FAM151B: variants seen among roughly 807,000 people sequenced by gnomAD.
FAM151B encodes the protein protein FAM151B.
Under a neutral mutation model 31.2 loss-of-function variants are expected in FAM151B, and 24 were observed. That is an observed-to-expected ratio of 0.77 (90% CI 0.56 to 1.08). The LOEUF (loss-of-function observed/expected upper bound fraction) is 1.08. Ranked by LOEUF, FAM151B falls within the 50% of genes least tolerant of loss-of-function variation. FAM151B has a pLI of 0.00. For synonymous variants in FAM151B, 105 were observed against 111.4 expected, an observed-to-expected ratio of 0.94 and a Z score of 0.36; for missense variants, 293 against 328.6, an observed-to-expected ratio of 0.89 and a Z score of 0.84.
chr5:80,493,805 A>T (rs1266303787), intron 1 of FAM151B, among the ~76,000 whole-genome samples: 1 of 152,188 alleles, frequency 6.6e-6, no homozygotes, highest in Admixed American at 6.6e-5. Context: ...GCACAGCGGG[A>T]CATAGACCCT....
intron 1 of FAM151B, among the ~76,000 whole-genome samples, chr5:80,489,736 A>C (rs1356815443): frequency 6.6e-6 from 1 of 152,192 alleles, no homozygotes; most frequent in Non-Finnish European, 1.5e-5. Flanking sequence ...CATCCTGGCT[A>C]ACACAGTGAA....
intron 5 of FAM151B, among the ~76,000 whole-genome samples, chr5:80,530,790 C>T (rs1408950027): frequency 8.5e-5 from 13 of 152,068 alleles, no homozygotes; most frequent in Admixed American, 2.0e-4. Context: ...AGAATCAATA[C>T]CGTGAAAATG....
chr5:80,496,120 C>T (rs1743528538), intron 1 of FAM151B, among the ~76,000 whole-genome samples: 1 of 152,152 alleles, frequency 6.6e-6, no homozygotes, highest in Non-Finnish European at 1.5e-5. Flanking sequence ...TGAAAGTTCT[C>T]CTGTGGGTAA....
chr5:80,493,938 CTGGTT>C (rs1215976072), intron 1 of FAM151B, among the ~76,000 whole-genome samples: 1 of 152,156 alleles, frequency 6.6e-6, no homozygotes, highest in Non-Finnish European at 1.5e-5. Flanking sequence ...TAAAAACTTG[CTGGTT>C]TTGTGGCTCG....
In FAM151B at chr5:80,541,775, C is replaced by A. The variant is rs2112689455; in HGVS notation, c.774C>A (p.Ile258=). The A allele has an allele frequency of 1.9e-6, 3 of 1,613,594 alleles. No homozygotes were observed. Among genetic ancestry groups the A allele is most frequent in the Middle Eastern group, 3.3e-4 (2 of 6,056 alleles). The stretch of plus-strand genomic sequence containing the variant: ...ACAAAAAACAAGTTTTCTATGACAT[C>A]TTGGAACCACAAAACCATGAATTTA... ...HFDKKQVFYD[I]LEPQNHEFKQ... Residue 258 remains isoleucine (I), a synonymous_variant, in exon 6 of 6, where the codon ATC becomes ATA. Coordinates refer to ENST00000282226, the MANE Select transcript of FAM151B (RefSeq NM_205548.3).
chr5:80,522,164 A>G (rs775141576), intron 5 of FAM151B, 26 bp downstream of exon 5: 1 of 1,597,918 alleles, frequency 6.3e-7, no homozygotes, highest in Non-Finnish European at 8.6e-7. Context: ...ACAAATGTGT[A>G]TGTGAGTGTG....
intron 4 of FAM151B, among the ~76,000 whole-genome samples, chr5:80,520,508 G>C (rs1402825775): frequency 1.3e-5 from 2 of 151,660 alleles, no homozygotes; most frequent in Non-Finnish European, 2.9e-5. Context: ...AGCCAGGCAT[G>C]GTAGTGTGTG....
Position 80,518,138 on chromosome 5 carries a change from A to T in FAM151B, c.318-1555A>T, listed in dbSNP as rs6453519. 6.2e-3 allele frequency among the ~76,000 whole-genome samples: 939 copies of T among 151,676 alleles called. 8 individuals carry two copies. The highest frequency in any genetic ancestry group is 0.022 in the African/African-American group (910 of 41,318). Reference sequence around the variant, plus strand: ...ATGAAGAATCAATCTTAAACCACTCACTCTATGTCAACTTACTAAATTGAG... The same window carrying T: ...ATGAAGAATCAATCTTAAACCACTCTCTCTATGTCAACTTACTAAATTGAG... On this transcript the variant is annotated intron_variant, in intron 3 of 5. Transcript: ENST00000282226.
Position 80,536,273 on chromosome 5 carries a change from C to T in FAM151B, c.672-5400C>T, listed in dbSNP as rs188642888. ...GCAACCTCCGCCTCCCAGGTTCAAG[C>T]GATTCTCCTGCCTCAGCTTCCCAAG... On this transcript the variant is annotated intron_variant, in intron 5 of 5. Coordinates refer to ENST00000282226, the MANE Select transcript of FAM151B (RefSeq NM_205548.3). 2.3e-3 allele frequency among the ~76,000 whole-genome samples: 355 copies of T among 152,148 alleles called. 2 individuals are homozygous for T. Among genetic ancestry groups the T allele is most frequent in the African/African-American group, 8.1e-3 (336 of 41,510 alleles).
In FAM151B at chr5:80,494,480, C is replaced by CTTTCTTTA. The variant is rs200647286; in HGVS notation, c.25+6339_25+6340insATTTCTTT. Among the ~76,000 whole-genome samples the CTTTCTTTA allele has an allele frequency of 2.7e-3, 377 of 139,172 alleles. 5 individuals carry two copies. The highest frequency in any genetic ancestry group is 9.5e-3 in the African/African-American group (335 of 35,428). The allele number at this position is 139,172 out of a possible 152,430, so 91.3% of individuals were successfully genotyped here. A position where few individuals can be genotyped will look rare whatever the true frequency, so the allele number is the denominator to read the frequency against. On this transcript the variant is annotated intron_variant, in intron 1 of 5. Coordinates refer to ENST00000282226, the MANE Select transcript of FAM151B (RefSeq NM_205548.3). ...CTTTTCTTTCTTTCTTTCTTTCTTT[C>CTTTCTTTA]TTTCTTTCTTTCTTTCTTTCTTTCT...
chr5:80,524,283 T>C (rs1166830357), intron 5 of FAM151B, among the ~76,000 whole-genome samples: 1 of 152,034 alleles, frequency 6.6e-6, no homozygotes, highest in African/African-American at 2.4e-5. Flanking sequence ...TCCATTTGGG[T>C]ATATTTTTTT....
At chr5:80,540,803 A>G (rs1052874801) in intron 5 of FAM151B, among the ~76,000 whole-genome samples, 1 of 152,212 alleles carries the variant, frequency 6.6e-6, no homozygotes, top group Non-Finnish European at 1.5e-5. Context: ...TATCCAAATT[A>G]CTTTCCTCTG....
chr5:80,528,974 C>A (rs1745101835), intron 5 of FAM151B, among the ~76,000 whole-genome samples: 1 of 152,052 alleles, frequency 6.6e-6, no homozygotes, highest in African/African-American at 2.4e-5. Flanking sequence ...CAAAATTGAC[C>A]ACATAGTTGG....
chr5:80,494,255 C>A (rs1411020454), intron 1 of FAM151B, among the ~76,000 whole-genome samples: 3 of 152,122 alleles, frequency 2.0e-5, no homozygotes, highest in Non-Finnish European at 2.9e-5. Flanking sequence ...AGAAGAAAAG[C>A]TGGAGATTCT....
intron 1 of FAM151B, among the ~76,000 whole-genome samples, chr5:80,492,522 C>T (rs1049012986): frequency 6.6e-6 from 1 of 152,134 alleles, no homozygotes; most frequent in African/African-American, 2.4e-5. Context: ...GCCAGCCATA[C>T]TCCTGTCTCT....
chr5:80,493,474 G>C (rs1743394766), intron 1 of FAM151B, among the ~76,000 whole-genome samples: 1 of 152,178 alleles, frequency 6.6e-6, no homozygotes, highest in Non-Finnish European at 1.5e-5. Context: ...CTGCCTGCGG[G>C]GTTGGGCAGA....
chr5:80,501,597 GA>G (rs746685581), intron 1 of FAM151B, among the ~76,000 whole-genome samples, 194 bp from the exon 2 acceptor site: 1 of 151,638 alleles, frequency 6.6e-6, no homozygotes, highest in Non-Finnish European at 1.5e-5. Flanking sequence ...GCCACACAGA[GA>G]AAACAGATAT....
At chr5:80,538,372 T>TTTCTTTC in intron 5 of FAM151B, among the ~76,000 whole-genome samples, 1 of 111,632 alleles carries the variant, frequency 9.0e-6, no homozygotes. Context: ...CAGCCTTTCT[T>TTTCTTTC]TTTCTTTCTT....
chr5:80,532,361 A>C (rs1745282180), intron 5 of FAM151B, among the ~76,000 whole-genome samples: 1 of 152,178 alleles, frequency 6.6e-6, no homozygotes, highest in South Asian at 2.1e-4. Flanking sequence ...TAGAACTTAA[A>C]AGTATAATAA....
Sources: gnomAD v4.1 joint callset for allele counts (sites outside exome capture counted in the v4.1 genomes callset) on GRCh38, gnomAD v4.1.1 for gene constraint, MANE v1.5 for transcripts, NCBI Gene and HGNC (gene_info 2026-07-23, HGNC 2026-07-21) for gene names.